OTOF: variants seen among roughly 807,000 people sequenced by gnomAD.
OTOF encodes the protein otoferlin, also known as fer-1-like family member 2.
OTOF carries 218 observed loss-of-function variants against 236.8 expected under a neutral mutation model. The ratio of observed to expected loss-of-function variants is 0.92; its 90% confidence interval spans 0.82 to 1.03. The LOEUF (loss-of-function observed/expected upper bound fraction) is 1.03, where lower values mean the gene tolerates loss of function less well. OTOF is among the 50% of genes least tolerant of loss of function. The probability of loss-of-function intolerance (pLI) is 0.00; values close to 1 mark genes in which losing one functional copy is unlikely to be tolerated. For synonymous variants in OTOF, 1,041 were observed against 1,072.5 expected (o/e 0.97, Z 0.57); for missense variants, 2,590 against 2,694.4 (o/e 0.96, Z 0.86).
In OTOF at chr2:26,477,410, C is replaced by A; in HGVS notation, c.2406+6G>T. Reference sequence around the variant, plus strand: ...TCCAGCCCCCGCCGTCCAGTTGCGTCCTCACCAGCTCCCTCATGCAGGACT... The same window carrying A: ...TCCAGCCCCCGCCGTCCAGTTGCGTACTCACCAGCTCCCTCATGCAGGACT... On this transcript the variant is annotated splice_donor_region_variant and intron_variant, in intron 20 of 46. Coordinates refer to ENST00000272371, the MANE Select transcript of OTOF (RefSeq NM_194248.3). This position sits in a 1 kb window ranked among gnomAD's most constrained non-coding sequence, Gnocchi z 4.7. 1 of 1,581,236 alleles carries A rather than the reference C, an allele frequency of 6.3e-7. No individual in the cohort carries two copies. The highest frequency in any genetic ancestry group is 8.6e-7 in the Non-Finnish European group (1 of 1,163,910).
rs745957247 is a variant in OTOF at position 26,474,036 on chromosome 2, G to T, written c.3363C>A (p.Pro1121=). The change falls in exon 27 of 47, where the codon CCC becomes CCA. Residue 1121 remains proline (P), a synonymous_variant. Coordinates refer to ENST00000272371, the MANE Select transcript of OTOF (RefSeq NM_194248.3). Reference sequence around the variant, plus strand: ...GCACGGGCCGGATGCCCATGGGCACGGGCATGATGGGACCTCGGTCCACGT... The same window carrying T: ...GCACGGGCCGGATGCCCATGGGCACTGGCATGATGGGACCTCGGTCCACGT... The part of the protein sequence containing the change: ...PVDVDRGPIM[P]VPMGIRPVLS... The T allele has an allele frequency of 6.2e-7, 1 of 1,612,862 alleles. No homozygotes were observed. Among genetic ancestry groups the T allele is most frequent in the Non-Finnish European group, 8.5e-7 (1 of 1,179,888 alleles).
In OTOF at chr2:26,480,909, C is replaced by T. The variant is rs1324980079; in HGVS notation, c.1680G>A (p.Gly560=). The T allele has an allele frequency of 1.2e-6, 2 of 1,613,018 alleles. No individual in the cohort carries two copies. Among genetic ancestry groups the T allele is most frequent in the Admixed American group, 3.3e-5 (2 of 60,024 alleles). The part of the protein sequence containing the change: ...DEHQDLNEGL[G]EGVSFRARLL... ...GCCGGGCCCGGAAGGACACACCCTC[C>T]CCCAGGCCCTCGTTCAGGTCCTGAT... is the stretch of plus-strand genomic sequence containing the variant. Residue 560 remains glycine (G), a synonymous_variant, in exon 15 of 47, where the codon GGG becomes GGA. Transcript: ENST00000272371.
At chr2:26,553,190 G>A (rs989065635) in intron 1 of OTOF, among the ~76,000 whole-genome samples, 1 of 152,124 alleles carries the variant, frequency 6.6e-6, no homozygotes. Context: ...CAGGCCCACT[G>A]CTCCCTCCCT....
At position 26,477,646 on chromosome 2, in the gene OTOF, C is replaced by T. The variant is rs2148052396; in HGVS notation, c.2315+3G>A. The T allele has an allele frequency of 6.2e-7, 1 of 1,612,358 alleles. No homozygotes were observed. The highest frequency in any genetic ancestry group is 8.5e-7 in the Non-Finnish European group (1 of 1,179,946). Reference sequence around the variant, plus strand: ...CCCCCACCTGCCGCCCCTCCCTTCTCACCAGCAGCCACAGCTCAGCTCCTC... The same window carrying T: ...CCCCCACCTGCCGCCCCTCCCTTCTTACCAGCAGCCACAGCTCAGCTCCTC... On this transcript the variant is annotated splice_donor_region_variant and intron_variant, in intron 19 of 46. Transcript: ENST00000272371. This position sits in a 1 kb window ranked among gnomAD's most constrained non-coding sequence, Gnocchi z 4.7.
At chr2:26,513,259 A>G (rs186856311) in intron 5 of OTOF, among the ~76,000 whole-genome samples, 1 of 152,182 alleles carries the variant, frequency 6.6e-6, no homozygotes, top group Non-Finnish European at 1.5e-5. Flanking sequence ...TGAGGTCCAC[A>G]CTGCCCCTGC....
rs1664911955 is a variant in OTOF at position 26,470,232 on chromosome 2, C to T, written c.4023+361G>A. On this transcript the variant is annotated intron_variant, in intron 32 of 46. Coordinates refer to ENST00000272371, the MANE Select transcript of OTOF (RefSeq NM_194248.3). The surrounding 1 kb of genome is among the most constrained non-coding windows in gnomAD (Gnocchi z 4.3). ...TGATTTGCCTTTGTTATCACATAGT[C>T]CTCTCTAAGTCTCTGTTTACATGTC... is the stretch of plus-strand genomic sequence containing the variant. Among the ~76,000 whole-genome samples, 1 of 152,152 alleles carries T rather than the reference C, an allele frequency of 6.6e-6. No individual in the cohort carries two copies. The highest frequency in any genetic ancestry group is 1.5e-5 in the Non-Finnish European group (1 of 68,016).
In OTOF at chr2:26,482,647, A is replaced by ATG. The variant is rs370631653; in HGVS notation, c.1393-57_1393-56dup. On this transcript the variant is annotated intron_variant, in intron 13 of 46. Transcript: ENST00000272371. ...GTGGCATGTGTGTGTGAGTGGGTGC[A>ATG]TGTGTGTGTGTGTGAGTGGGCGCAT... is the stretch of plus-strand genomic sequence containing the variant. 4,937 of 1,446,202 alleles carry ATG rather than the reference A, an allele frequency of 3.4e-3. 22 individuals carry two copies. Among genetic ancestry groups the ATG allele is most frequent in the African/African-American group, 0.017 (1,176 of 67,840 alleles). The allele number at this position is 1,446,202 out of a possible 1,614,324, so 89.6% of individuals were successfully genotyped here. A position where few individuals can be genotyped will look rare whatever the true frequency, so the allele number is the denominator to read the frequency against.
rs61739877 is a variant in OTOF at position 26,484,494 on chromosome 2, G to A, written c.1185C>T (p.Thr395=). Residue 395 remains threonine (T), a synonymous_variant, in exon 12 of 47, where the codon ACC becomes ACT. Coordinates refer to ENST00000272371, the MANE Select transcript of OTOF (RefSeq NM_194248.3). Reference sequence around the variant, plus strand: ...CTCACCCCTCAATGTCATCTTCGTCGGTCTCATTGGCCTTGTGGGGCGTCT... The same window carrying A: ...CTCACCCCTCAATGTCATCTTCGTCAGTCTCATTGGCCTTGTGGGGCGTCT... The part of the protein sequence containing the change: ...NIKTPHKANE[T]DEDDIEGNLL... 1,676 of 1,614,024 alleles carry A rather than the reference G, an allele frequency of 1.0e-3. 15 individuals are homozygous for A. In the African/African-American group the frequency reaches 0.019, roughly 19 times the overall value.
chr2:26,551,453 C>T (rs1667460978), intron 1 of OTOF, among the ~76,000 whole-genome samples: 1 of 152,242 alleles, frequency 6.6e-6, no homozygotes, highest in Non-Finnish European at 1.5e-5. Flanking sequence ...TTCCTCCTTC[C>T]TCAGTCTTCC....
In OTOF at chr2:26,479,614, T is replaced by C. The variant is rs2148055361; in HGVS notation, c.1952A>G (p.Gln651Arg). The C allele has an allele frequency of 6.2e-7, 1 of 1,612,582 alleles. No homozygotes were observed. The highest frequency in any genetic ancestry group is 1.3e-5 in the African/African-American group (1 of 75,062). Residue 651 changes from glutamine (Q) to arginine (R), a missense_variant, in exon 17 of 47, where the codon CAG (glutamine) becomes CGG (arginine). Coordinates refer to ENST00000272371, the MANE Select transcript of OTOF (RefSeq NM_194248.3). The part of the protein sequence containing the change: ...GNEVDGLSRP[Q>R]RPRPRKEPGD... Reference sequence around the variant, plus strand: ...CGGCTCCTTCCGGGGCCGAGGCCGCTGGGGCCGGGACAGGCCATCAACTTC... The same window carrying C: ...CGGCTCCTTCCGGGGCCGAGGCCGCCGGGGCCGGGACAGGCCATCAACTTC...
At position 26,516,685 on chromosome 2, in the gene OTOF, CA is replaced by C; in HGVS notation, c.328-87del. 2.1e-6 allele frequency: 3 copies of C among 1,406,976 alleles called. No individual in the cohort carries two copies. The East Asian group carries it at 6.9e-5, about 32-fold the overall frequency. 87.2% of individuals were successfully genotyped at this position (1,406,976 alleles called of 1,614,324 possible). A position where few individuals can be genotyped will look rare whatever the true frequency, so the allele number is the denominator to read the frequency against. Reference sequence around the variant, plus strand: ...ATGTGGCTGCTTGGTGGTGTTTACACAGCGCTTCCACACCCTTGCCTCACTG... The same window carrying C: ...ATGTGGCTGCTTGGTGGTGTTTACACGCGCTTCCACACCCTTGCCTCACTG... On this transcript the variant is annotated intron_variant, in intron 4 of 46. Transcript: ENST00000272371.
rs548474405 is a variant in OTOF at position 26,463,422 on chromosome 2, C to T, written c.5192+61G>A. On this transcript the variant is annotated intron_variant, in intron 41 of 46. Coordinates refer to ENST00000272371, the MANE Select transcript of OTOF (RefSeq NM_194248.3). ...GAGCCCCCCGCAGGAAGGGTTGGGC[C>T]GTGGTGGGAAGTGGGTGGGGTGGGC... The T allele has an allele frequency of 7.5e-4, 1,014 of 1,360,278 alleles. 2 individuals carry two copies. Among genetic ancestry groups the T allele is most frequent in the East Asian group, 3.3e-3 (133 of 40,376 alleles). 84.3% of individuals were successfully genotyped at this position (1,360,278 alleles called of 1,614,324 possible). A position where few individuals can be genotyped will look rare whatever the true frequency, so the allele number is the denominator to read the frequency against.
intron 2 of OTOF, among the ~76,000 whole-genome samples, chr2:26,531,512 A>T (rs1049297398): frequency 3.9e-5 from 6 of 152,184 alleles, no homozygotes; most frequent in African/African-American, 1.4e-4. Flanking sequence ...TCCCAGTGGG[A>T]ACTCTGTGCA....
At chr2:26,472,115 ACAC>A (rs1665010067) in intron 30 of OTOF, among the ~76,000 whole-genome samples, 1 of 151,674 alleles carries the variant, frequency 6.6e-6, no homozygotes, top group Non-Finnish European at 1.5e-5. Flanking sequence ...GCACATGTGC[ACAC>A]CACACGCACG....
At chr2:26,558,378 T>C (rs1231972739) in intron 1 of OTOF, 115 bp downstream of exon 1, 1 of 903,612 alleles carries the variant, frequency 1.1e-6, no homozygotes, top group African/African-American at 1.6e-5. Flanking sequence ...CCCCAGCCCC[T>C]GCTAGAACTT....
chr2:26,485,860 G>A (rs1665685917), intron 11 of OTOF, among the ~76,000 whole-genome samples: 1 of 152,232 alleles, frequency 6.6e-6, no homozygotes, highest in Non-Finnish European at 1.5e-5. Flanking sequence ...GGACAAGCAA[G>A]GTGAGAGGGC....
chr2:26,551,000 C>A (rs1417974813), intron 1 of OTOF, among the ~76,000 whole-genome samples: 2 of 144,828 alleles, frequency 1.4e-5, no homozygotes, highest in African/African-American at 4.9e-5. Flanking sequence ...GGCTTTTTTC[C>A]CCCCCTTGAG....
chr2:26,502,243 C>CA, intron 7 of OTOF, 57 bp downstream of exon 7: 1 of 1,603,644 alleles, frequency 6.2e-7, no homozygotes, highest in Non-Finnish European at 8.5e-7. Context: ...CATGGCAAGC[C>CA]AGGTCCTGCC....
At chr2:26,531,106 C>G (rs1666936202) in intron 2 of OTOF, among the ~76,000 whole-genome samples, 1 of 152,188 alleles carries the variant, frequency 6.6e-6, no homozygotes, top group Non-Finnish European at 1.5e-5. Context: ...ACCCAGAGGC[C>G]CCCTTGCTGT....
Sources: allele counts gnomAD v4.1 joint callset (sites outside exome capture counted in the v4.1 genomes callset), GRCh38; gene constraint gnomAD v4.1.1; non-coding constraint Gnocchi (gnomAD v3.1); transcripts MANE v1.5; gene names NCBI Gene and HGNC (gene_info 2026-07-23, HGNC 2026-07-21).